HAX1: variants seen among roughly 807,000 people sequenced by gnomAD.
The protein encoded by HAX1 is HCLS1-associated protein X-1.
HAX1 carries 27 observed loss-of-function variants against 31.1 expected under a neutral mutation model. The ratio of observed to expected loss-of-function variants is 0.87; its 90% confidence interval spans 0.64 to 1.20. The LOEUF (loss-of-function observed/expected upper bound fraction) is 1.20. Among genes scored for constraint, HAX1 ranks in the 50% most tolerant of loss-of-function variants. The pLI is 0.00. For missense variants in HAX1, 357 were observed against 361.6 expected (o/e 0.99, Z 0.10); for synonymous variants, 114 against 124.1 (o/e 0.92, Z 0.54).
intron 6 of HAX1, 38 bp downstream of exon 6, chr1:154,275,521 T>C: frequency 1.3e-6 from 2 of 1,589,144 alleles, no homozygotes; most frequent in South Asian, 2.2e-5. Context: ...TCAAGATTCC[T>C]TGGGGAAGGG....
intron 3 of HAX1, 61 bp downstream of exon 3, chr1:154,274,022 G>C: frequency 6.8e-7 from 1 of 1,473,756 alleles, no homozygotes. Context: ...AAAGTGCAAA[G>C]ACTGGCTAGG....
chr1:154,273,601 G>C lies in HAX1; in HGVS notation c.316+3G>C, dbSNP rs1684869526. ...GACCTTGCCTTCCCATCCTCCTGGT[G>C]TGTGGCTTTCCCTAAGGGGCAACCT... On this transcript the variant is annotated splice_donor_region_variant and intron_variant, in intron 2 of 6. Transcript: ENST00000328703. 1.2e-6 allele frequency: 2 copies of C among 1,613,998 alleles called. No homozygotes were observed. Among genetic ancestry groups the C allele is most frequent in the African/African-American group, 1.3e-5 (1 of 74,930 alleles).
At position 154,275,465 on chromosome 1, in the gene HAX1, G is replaced by C. The variant is rs375477111; in HGVS notation, c.736G>C (p.Asp246His). The change falls in exon 6 of 7, where the codon GAT becomes CAT. Residue 246 changes from aspartate to histidine, a missense_variant. Asp to His is a moderately conservative substitution (Grantham distance 81, BLOSUM62 -1). Transcript: ENST00000328703. Reference sequence around the variant, plus strand: ...GACTACAGTAACCCGACACGAAGCAGATAGCAGTCCTAGGGGTGGTAAGTT... The same window carrying C: ...GACTACAGTAACCCGACACGAAGCACATAGCAGTCCTAGGGGTGGTAAGTT... ...TETTVTRHEA[D>H]SSPRGDPESP... 2.5e-5 allele frequency: 40 copies of C among 1,613,966 alleles called. No homozygotes were observed. The highest frequency in any genetic ancestry group is 5.0e-5 in the Admixed American group (3 of 60,002).
rs776369151 is a variant in HAX1 at position 154,275,627 on chromosome 1, C to T, written c.766C>T (p.Pro256Ser). ...ACTTTCTTCCTTAGATCCAGAATCACCAAGACCTCCAGCCCTGGATGATGC... is the reference window on the plus strand; with the variant it reads ...ACTTTCTTCCTTAGATCCAGAATCATCAAGACCTCCAGCCCTGGATGATGC... Reference protein sequence around the residue: ...DSSPRGDPESPRPPALDDAFS... With the variant: ...DSSPRGDPESSRPPALDDAFS... The change falls in exon 7 of 7, where the codon CCA becomes TCA. Residue 256 changes from proline (P) to serine (S), a missense_variant. By Grantham distance (74) the Pro-to-Ser change is moderately conservative. Coordinates refer to ENST00000328703, the MANE Select transcript of HAX1 (RefSeq NM_006118.4). 2.5e-6 allele frequency: 4 copies of T among 1,613,622 alleles called. No individual in the cohort carries two copies. In the African/African-American group the frequency reaches 5.3e-5, roughly 22 times the overall value.
rs1030377709 is a variant in HAX1 at position 154,273,182 on chromosome 1, C to G, written c.54-154C>G. On this transcript the variant is annotated intron_variant, in intron 1 of 6. Coordinates refer to ENST00000328703, the MANE Select transcript of HAX1 (RefSeq NM_006118.4). ...AAAAAAAAAAAAAAAGAACTGTCAG[C>G]CATTGTATTAATGTTTTGATGTGGC... The G allele has an allele frequency of 1.5e-5, 11 of 754,774 alleles. No homozygotes were observed. The Admixed American group carries it at 2.4e-4, about 16-fold the overall frequency. The allele number at this position is 754,774 out of a possible 1,614,324, so 46.8% of individuals were successfully genotyped here.
chr1:154,274,916 G>C, intron 3 of HAX1, 34 bp from the exon 4 acceptor site: 1 of 1,533,546 alleles, frequency 6.5e-7, no homozygotes, highest in Non-Finnish European at 9.0e-7. Context: ...CAGATTGGAA[G>C]GAGTCTTTTC....
Position 154,273,576 on chromosome 1 carries a change from G to A in HAX1, c.294G>A (p.Trp98Ter). The A allele has an allele frequency of 6.2e-7, 1 of 1,614,194 alleles. No individual in the cohort carries two copies. Among genetic ancestry groups the A allele is most frequent in the Non-Finnish European group, 8.5e-7 (1 of 1,180,040 alleles). Residue 98 changes from tryptophan (W) to a stop codon, truncating the protein, a stop_gained, in exon 2 of 7, where the codon TGG (tryptophan) becomes TGA (stop). Coordinates refer to ENST00000328703, the MANE Select transcript of HAX1 (RefSeq NM_006118.4). LOFTEE classifies it high-confidence loss of function. ...FNSIFSDMGA[W>*]TLPSHPPELP... ...GCATCTTCAGCGATATGGGGGCCTG[G>A]ACCTTGCCTTCCCATCCTCCTGGTG...
In HAX1 at chr1:154,273,475, T is replaced by G. The variant is rs1648509630; in HGVS notation, c.193T>G (p.Phe65Val). The G allele has an allele frequency of 5.6e-6, 9 of 1,614,052 alleles. No individual in the cohort carries two copies. Among genetic ancestry groups the G allele is most frequent in the African/African-American group, 2.7e-5 (2 of 74,912 alleles). ...CCCCCCTGAGGAATTTGGCTTCGGCTTCAGCTTCAGCCCAGGAGGAGGGAT... is the reference window on the plus strand; with the variant it reads ...CCCCCCTGAGGAATTTGGCTTCGGCGTCAGCTTCAGCCCAGGAGGAGGGAT... ...QHPPEEFGFG[F>V]SFSPGGGIRF... The change falls in exon 2 of 7, where the codon TTC becomes GTC. Residue 65 changes from phenylalanine to valine, a missense_variant. By Grantham distance (50) the Phe-to-Val change is conservative. Coordinates refer to ENST00000328703, the MANE Select transcript of HAX1 (RefSeq NM_006118.4).
chr1:154,273,743 A>T, intron 2 of HAX1, 31 bp from the exon 3 acceptor site: 1 of 1,613,800 alleles, frequency 6.2e-7, no homozygotes, highest in East Asian at 2.2e-5. Context: ...GTCCTTTCCC[A>T]TCCCAGCAAA....
chr1:154,275,462 G>A lies in HAX1; in HGVS notation c.733G>A (p.Ala245Thr). The A allele has an allele frequency of 6.2e-7, 1 of 1,614,098 alleles. No individual in the cohort carries two copies. Reference sequence around the variant, plus strand: ...AGAGACTACAGTAACCCGACACGAAGCAGATAGCAGTCCTAGGGGTGGTAA... The same window carrying A: ...AGAGACTACAGTAACCCGACACGAAACAGATAGCAGTCCTAGGGGTGGTAA... ...RTETTVTRHEADSSPRGDPES... is the reference protein window; with the variant it reads ...RTETTVTRHETDSSPRGDPES... The change falls in exon 6 of 7, where the codon GCA (alanine) becomes ACA (threonine). Residue 245 changes from alanine (A) to threonine (T), a missense_variant. Physicochemically the swap from Ala to Thr is moderately conservative, Grantham distance 58 (BLOSUM62 0). Transcript: ENST00000328703.
Position 154,273,659 on chromosome 1 carries a change from G to T in HAX1, c.316+61G>T, listed in dbSNP as rs761133149. On this transcript the variant is annotated intron_variant, in intron 2 of 6. Coordinates refer to ENST00000328703, the MANE Select transcript of HAX1 (RefSeq NM_006118.4). The stretch of plus-strand genomic sequence containing the variant: ...CTGGTGGGTTGGTGGGTGAAATAAA[G>T]AGCCTGCAGGGAGTAGCTGGGGGAT... The T allele has an allele frequency of 1.9e-6, 3 of 1,597,942 alleles. No individual in the cohort carries two copies. In the East Asian group the frequency reaches 6.7e-5, roughly 36 times the overall value.
intron 2 of HAX1, 29 bp from the exon 3 acceptor site, chr1:154,273,745 C>A: frequency 6.2e-7 from 1 of 1,613,762 alleles, no homozygotes; most frequent in South Asian, 1.1e-5. Flanking sequence ...CCTTTCCCAT[C>A]CCAGCAAACA....
chr1:154,274,954 A>C lies in HAX1; in HGVS notation c.509A>C (p.Asp170Ala). Reference sequence around the variant, plus strand: ...TTACTATGGTTTCTTCTGCAGTTTGATGATGTATGGCCTATGGACCCCCAT... The same window carrying C: ...TTACTATGGTTTCTTCTGCAGTTTGCTGATGTATGGCCTATGGACCCCCAT... ...WGSQRPFHRF[D>A]DVWPMDPHPR... is the part of the protein sequence containing the mutation. Residue 170 changes from aspartate (D) to alanine (A), a missense_variant, in exon 4 of 7, where the codon GAT becomes GCT. By Grantham distance (126) the Asp-to-Ala change is moderately radical. Transcript: ENST00000328703. 1.2e-6 allele frequency: 2 copies of C among 1,609,904 alleles called. No individual in the cohort carries two copies. The highest frequency in any genetic ancestry group is 1.7e-6 in the Non-Finnish European group (2 of 1,176,194).
Position 154,273,615 on chromosome 1 carries a change from A to G in HAX1, c.316+17A>G. ...ATCCTCCTGGTGTGTGGCTTTCCCT[A>G]AGGGGCAACCTGTGGTTTCTGGTGG... On this transcript the variant is annotated intron_variant, in intron 2 of 6. Coordinates refer to ENST00000328703, the MANE Select transcript of HAX1 (RefSeq NM_006118.4). 1.2e-6 allele frequency: 2 copies of G among 1,613,392 alleles called. No homozygotes were observed. The highest frequency in any genetic ancestry group is 1.1e-5 in the South Asian group (1 of 91,072).
rs200863707 is a variant in HAX1, at chr1:154,274,936, G to C, written c.505-14G>C. Reference sequence around the variant, plus strand: ...TGGAAGGAGTCTTTTCACTTACTATGGTTTCTTCTGCAGTTTGATGATGTA... The same window carrying C: ...TGGAAGGAGTCTTTTCACTTACTATCGTTTCTTCTGCAGTTTGATGATGTA... On this transcript the variant is annotated splice_polypyrimidine_tract_variant and intron_variant, in intron 3 of 6. Transcript: ENST00000328703. The C allele has an allele frequency of 1.8e-4, 286 of 1,599,754 alleles. No homozygotes were observed. The highest frequency in any genetic ancestry group is 7.8e-4 in the East Asian group (35 of 44,816).
At position 154,275,861 on chromosome 1, in the gene HAX1, C is replaced by G; in HGVS notation, c.*160C>G. 2 of 665,122 alleles carry G rather than the reference C, an allele frequency of 3.0e-6. No individual in the cohort carries two copies. The highest frequency in any genetic ancestry group is 2.5e-5 in the Admixed American group (1 of 40,576). 41.2% of individuals were successfully genotyped at this position (665,122 alleles called of 1,614,324 possible). On this transcript the variant is annotated 3_prime_UTR_variant, in exon 7 of 7. Transcript: ENST00000328703. ...ACTCACCCAAACTGACCAATAAAAC[C>G]TTTATTTATGCTAATTTTTTGTCTT...
intron 6 of HAX1, 44 bp downstream of exon 6, chr1:154,275,527 A>G: frequency 6.3e-7 from 1 of 1,584,204 alleles, no homozygotes; most frequent in Non-Finnish European, 8.7e-7. Flanking sequence ...TTCCTTGGGG[A>G]AGGGAAATCT....
At position 154,275,610 on chromosome 1, in the gene HAX1, C is replaced by T. The variant is rs749368917; in HGVS notation, c.755-6C>T. ...GCCTATTTACGTGTATGACTTTCTT[C>T]CTTAGATCCAGAATCACCAAGACCT... On this transcript the variant is annotated splice_region_variant and splice_polypyrimidine_tract_variant and intron_variant, in intron 6 of 6. Transcript: ENST00000328703. 1 of 1,611,228 alleles carries T rather than the reference C, an allele frequency of 6.2e-7. No individual in the cohort carries two copies. Among genetic ancestry groups the T allele is most frequent in the Middle Eastern group, 1.7e-4 (1 of 6,058 alleles).
intron 1 of HAX1, 91 bp from the exon 2 acceptor site, chr1:154,273,245 C>T: frequency 1.3e-6 from 2 of 1,526,552 alleles, no homozygotes; most frequent in South Asian, 1.1e-5. Context: ...TTCCCAGACC[C>T]CTTGCTCTTG....
Sources: gnomAD v4.1 joint callset for allele counts on GRCh38, gnomAD v4.1.1 for gene constraint, MANE v1.5 for transcripts, NCBI Gene and HGNC (gene_info 2026-07-23, HGNC 2026-07-21) for gene names.